The following CERS4 variants were observed in gnomAD, a reference collection of about 807,000 sequenced individuals.
CERS4 encodes ceramide synthase 4.
In CERS4, 65 loss-of-function variants were observed where a neutral mutation model predicts 51.8. The observed-to-expected ratio is 1.26, with a 90% confidence interval of 1.03 to 1.54. The LOEUF is 1.54. CERS4 is among the 40% of genes most tolerant of loss of function. The pLI is 0.00. For synonymous variants in CERS4, 228 were observed against 208.4 expected, an observed-to-expected ratio of 1.09 and a Z score of -0.81; for missense variants, 563 against 500.4, an observed-to-expected ratio of 1.13 and a Z score of -1.19.
At position 8,255,585 on chromosome 19, in the gene CERS4, GTCC is replaced by G; in HGVS notation, c.292-19_292-17del. On this transcript the variant is annotated intron_variant, in intron 4 of 11. Coordinates refer to ENST00000251363, the MANE Select transcript of CERS4 (RefSeq NM_024552.3). Reference sequence around the variant, plus strand: ...CCACCACAGGGCCTCTGTGACCCTTGTCCTCATCACCCCCTCCCCAGCCCCAGC... The same window carrying G: ...CCACCACAGGGCCTCTGTGACCCTTGTCATCACCCCCTCCCCAGCCCCAGC... 4 of 1,599,598 alleles carry G rather than the reference GTCC, an allele frequency of 2.5e-6. No individual in the cohort carries two copies. In the East Asian group the frequency reaches 8.9e-5, roughly 36 times the overall value.
intron 3 of CERS4, among the ~76,000 whole-genome samples, chr19:8,252,369 T>TG (rs1555778782): frequency 6.9e-5 from 10 of 144,404 alleles, no homozygotes; most frequent in South Asian, 2.2e-4. Context: ...AAACTCCATC[T>TG]AAAAAAAAAA....
intron 3 of CERS4, among the ~76,000 whole-genome samples, chr19:8,251,650 A>G (rs1969086785): frequency 6.6e-6 from 1 of 152,004 alleles, no homozygotes; most frequent in Non-Finnish European, 1.5e-5. Flanking sequence ...TGTCTCTGCT[A>G]AAAATACAAA....
At chr19:8,261,161 GC>G in intron 10 of CERS4, 1 of 156,382 alleles carries the variant, frequency 6.4e-6, no homozygotes, top group Non-Finnish European at 1.4e-5. Flanking sequence ...GGGAGACAAA[GC>G]CCCACCTCTG....
chr19:8,246,546 C>T (rs1198413894), intron 2 of CERS4, among the ~76,000 whole-genome samples: 2 of 151,846 alleles, frequency 1.3e-5, no homozygotes, highest in Non-Finnish European at 2.9e-5. Context: ...GAGTGAGACC[C>T]TGTCTAAAAA....
In CERS4 at chr19:8,262,170, G is replaced by A; in HGVS notation, c.*61G>A. ...CCAGTGCCTTGGATATTTCTGGGGT[G>A]ACTGGACTGGCGCCCCTGGGCCACC... On this transcript the variant is annotated 3_prime_UTR_variant, in exon 12 of 12. Coordinates refer to ENST00000251363, the MANE Select transcript of CERS4 (RefSeq NM_024552.3). 7.2e-7 allele frequency: 1 copy of A among 1,394,580 alleles called. No homozygotes were observed. The highest frequency in any genetic ancestry group is 1.7e-5 in the South Asian group (1 of 57,568). The allele number at this position is 1,394,580 out of a possible 1,614,324, so 86.4% of individuals were successfully genotyped here. A position where few individuals can be genotyped will look rare whatever the true frequency, so the allele number is the denominator to read the frequency against.
chr19:8,248,689 G>A (rs10409603), intron 2 of CERS4, among the ~76,000 whole-genome samples: 66,714 of 151,092 alleles, frequency 0.44, 15,157 homozygotes, highest in South Asian at 0.57. Flanking sequence ...ATGAATGGAT[G>A]GGGAGATGGA....
chr19:8,237,355 C>G (rs957370538), intron 2 of CERS4, among the ~76,000 whole-genome samples: 2 of 151,706 alleles, frequency 1.3e-5, no homozygotes, highest in Non-Finnish European at 1.5e-5. Flanking sequence ...ATTTCAAGAC[C>G]AGCCTGGCCA....
intron 2 of CERS4, among the ~76,000 whole-genome samples, chr19:8,224,793 AG>A (rs1328057953): frequency 6.6e-6 from 1 of 152,134 alleles, no homozygotes; most frequent in African/African-American, 2.4e-5. Flanking sequence ...GTCGCGGGAA[AG>A]ACGGACGTAA....
At position 8,255,809 on chromosome 19, in the gene CERS4, T is replaced by G; in HGVS notation, c.411-13T>G. 6.2e-7 allele frequency: 1 copy of G among 1,613,812 alleles called. No individual in the cohort carries two copies. ...GGTGTCTGCTATTTTCACAGCTCCC[T>G]CCCCATCCACAGCTGGAGGTTTCTC... On this transcript the variant is annotated splice_polypyrimidine_tract_variant and intron_variant, in intron 5 of 11. Transcript: ENST00000251363.
At chr19:8,221,319 T>G (rs1967531189) in intron 2 of CERS4, among the ~76,000 whole-genome samples, 1 of 152,010 alleles carries the variant, frequency 6.6e-6, no homozygotes, top group East Asian at 1.9e-4. Context: ...TAACCTCCCC[T>G]TGAATCTGGA....
At chr19:8,221,086 A>G (rs1351454970) in intron 2 of CERS4, among the ~76,000 whole-genome samples, 3 of 151,310 alleles carry the variant, frequency 2.0e-5, no homozygotes, top group Admixed American at 6.6e-5. Flanking sequence ...CGGCCTCCCA[A>G]AGTGCTGGGA....
intron 2 of CERS4, among the ~76,000 whole-genome samples, chr19:8,219,859 T>C (rs1967456803): frequency 6.6e-6 from 1 of 151,792 alleles, no homozygotes; most frequent in Non-Finnish European, 1.5e-5. Context: ...CATGGGTGCC[T>C]GTAGTCTCAG....
At chr19:8,216,899 C>A (rs1430676133) in intron 2 of CERS4, among the ~76,000 whole-genome samples, 3 of 152,034 alleles carry the variant, frequency 2.0e-5, no homozygotes, top group South Asian at 2.1e-4. Context: ...GGGTCCAAGT[C>A]CCAGACTCTA....
At chr19:8,225,713 C>A (rs1433882163) in intron 2 of CERS4, among the ~76,000 whole-genome samples, 1 of 151,850 alleles carries the variant, frequency 6.6e-6, no homozygotes, top group Non-Finnish European at 1.5e-5. Flanking sequence ...CGTGAGCCAC[C>A]GTACCCGGCC....
Position 8,213,425 on chromosome 19 carries a change from G to A in CERS4, c.-2+2563G>A, listed in dbSNP as rs550144835. On this transcript the variant is annotated intron_variant, in intron 2 of 11. Coordinates refer to ENST00000251363, the MANE Select transcript of CERS4 (RefSeq NM_024552.3). ...CTCCTGAGCTCAACCTCAGCCTCCT[G>A]AGAGCTGGGACCACAGGCATGCACC... Among the ~76,000 whole-genome samples, 7 of 152,066 alleles carry A rather than the reference G, an allele frequency of 4.6e-5. No individual in the cohort carries two copies. In the South Asian group the frequency reaches 1.5e-3, roughly 32 times the overall value.
At chr19:8,229,559 C>T (rs888997623) in intron 2 of CERS4, among the ~76,000 whole-genome samples, 3 of 152,052 alleles carry the variant, frequency 2.0e-5, no homozygotes, top group Non-Finnish European at 4.4e-5. Context: ...AGGTGCCTGC[C>T]ACCACGCCCA....
intron 2 of CERS4, among the ~76,000 whole-genome samples, chr19:8,238,928 A>G (rs1968393521): frequency 6.6e-6 from 1 of 151,626 alleles, no homozygotes; most frequent in South Asian, 2.1e-4. Context: ...CCAAGACCCT[A>G]TCTCTACAAA....
chr19:8,231,650 A>G lies in CERS4; in HGVS notation c.-1-19426A>G, dbSNP rs1267743198. Among the ~76,000 whole-genome samples the G allele has an allele frequency of 2.6e-5, 4 of 151,138 alleles. No homozygotes were observed. The East Asian group carries it at 5.9e-4, about 22-fold the overall frequency. On this transcript the variant is annotated intron_variant, in intron 2 of 11. Coordinates refer to ENST00000251363, the MANE Select transcript of CERS4 (RefSeq NM_024552.3). Reference sequence around the variant, plus strand: ...TGCAAGCTCCACCTCCTGGGTTCACACCATTCTCCTGCCTCAGCCTCCCGA... The same window carrying G: ...TGCAAGCTCCACCTCCTGGGTTCACGCCATTCTCCTGCCTCAGCCTCCCGA...
intron 2 of CERS4, among the ~76,000 whole-genome samples, chr19:8,225,578 C>G (rs1349844760): frequency 6.6e-6 from 1 of 151,862 alleles, no homozygotes; most frequent in Non-Finnish European, 1.5e-5. Flanking sequence ...TGCCCGCCAC[C>G]AAGCCCAGCT....
Sources: allele counts gnomAD v4.1 joint callset (sites outside exome capture counted in the v4.1 genomes callset), GRCh38; gene constraint gnomAD v4.1.1; transcripts MANE v1.5; gene names NCBI Gene and HGNC (gene_info 2026-07-23, HGNC 2026-07-21).